LYPLAL1: variants seen among roughly 807,000 people sequenced by gnomAD.
The protein encoded by LYPLAL1 is lysophospholipase like 1.
A neutral mutation model predicts 19.7 loss-of-function variants in LYPLAL1; 23 were observed. The observed-to-expected ratio is 1.17, with a 90% CI of 0.84 to 1.65. The LOEUF is 1.65. LYPLAL1 is among the 40% of genes most tolerant of loss of function. The pLI, the probability that LYPLAL1 is intolerant of heterozygous loss-of-function variation, is 0.00. For synonymous variants in LYPLAL1, 119 were observed against 96.3 expected (o/e 1.24, Z -1.38); for missense variants, 355 against 279.4 (o/e 1.27, Z -1.93).
the LYPLAL1 span, among the ~76,000 whole-genome samples, chr1:219,233,026 C>A: frequency 6.1e-4 from 93 of 152,270 alleles, no homozygotes; most frequent in African/African-American, 2.2e-3. Flanking sequence ...TCCAGTGATT[C>A]TTCTTCTTGG....
At chr1:219,333,325 C>T in the LYPLAL1 span, among the ~76,000 whole-genome samples, 140 of 152,116 alleles carry the variant, frequency 9.2e-4, no homozygotes, top group Non-Finnish European at 1.2e-4. Flanking sequence ...GCAATATTCC[C>T]ACATTGCTCC....
At chr1:219,186,197 T>C (rs1020047352) in intron 2 of LYPLAL1, among the ~76,000 whole-genome samples, 33 of 151,862 alleles carry the variant, frequency 2.2e-4, no homozygotes, top group Admixed American at 2.2e-3. Context: ...TTCATTATTA[T>C]TAGAGAAAAT....
At chr1:219,366,001 T>C in the LYPLAL1 span, among the ~76,000 whole-genome samples, 1 of 152,216 alleles carries the variant, frequency 6.6e-6, no homozygotes, top group Non-Finnish European at 1.5e-5. Context: ...ATTTTGTGTA[T>C]TGGACCTTAT....
the LYPLAL1 span, among the ~76,000 whole-genome samples, chr1:219,430,820 A>C: frequency 6.6e-6 from 1 of 152,212 alleles, no homozygotes; most frequent in Admixed American, 6.5e-5. Context: ...GTCTATATCT[A>C]GGTGTAGTTT....
At chr1:219,274,437 G>A in the LYPLAL1 span, among the ~76,000 whole-genome samples, 2 of 152,180 alleles carry the variant, frequency 1.3e-5, no homozygotes, top group African/African-American at 2.4e-5. Flanking sequence ...CCACACTGGA[G>A]TGCAGTGGTA....
chr1:219,408,100 T>C, the LYPLAL1 span, among the ~76,000 whole-genome samples: 1 of 152,184 alleles, frequency 6.6e-6, no homozygotes, highest in Non-Finnish European at 1.5e-5. Flanking sequence ...TGTTTACATC[T>C]ACTATTCTGG....
chr1:219,348,319 G>A, the LYPLAL1 span, among the ~76,000 whole-genome samples: 2 of 152,216 alleles, frequency 1.3e-5, no homozygotes, highest in East Asian at 3.9e-4. Context: ...AGTGAGTGAA[G>A]TGAGAACACC....
At chr1:219,423,357 T>C in the LYPLAL1 span, among the ~76,000 whole-genome samples, 52,056 of 152,090 alleles carry the variant, frequency 0.34, 10,263 homozygotes, top group Non-Finnish European at 0.44. Flanking sequence ...CTCTGTGTTA[T>C]GGTTATGTGT....
At chr1:219,244,433 G>A in the LYPLAL1 span, among the ~76,000 whole-genome samples, 1 of 152,146 alleles carries the variant, frequency 6.6e-6, no homozygotes, top group East Asian at 1.9e-4. Context: ...CACAGTGGAG[G>A]AGGGATACTG....
chr1:219,285,122 A>T, the LYPLAL1 span, among the ~76,000 whole-genome samples: 2,423 of 152,336 alleles, frequency 0.016, 18 homozygotes, highest in Non-Finnish European at 0.023. Flanking sequence ...AAAATTATTT[A>T]AAAATATTTG....
chr1:219,286,630 C>T, the LYPLAL1 span, among the ~76,000 whole-genome samples: 1 of 152,198 alleles, frequency 6.6e-6, no homozygotes, highest in Non-Finnish European at 1.5e-5. Flanking sequence ...GAGAGTGGGA[C>T]AGTGTCACTG....
chr1:219,246,652 T>G, the LYPLAL1 span, among the ~76,000 whole-genome samples: 3 of 152,160 alleles, frequency 2.0e-5, no homozygotes, highest in Non-Finnish European at 4.4e-5. Context: ...AGTGGCACAA[T>G]TATGGCTCAC....
the LYPLAL1 span, among the ~76,000 whole-genome samples, chr1:219,380,535 G>A: frequency 4.9e-3 from 740 of 152,358 alleles, 15 homozygotes; most frequent in East Asian, 0.033. Context: ...TGGATTCGAA[G>A]CTGTCAGCCA....
chr1:219,413,745 C>G, the LYPLAL1 span, among the ~76,000 whole-genome samples: 6 of 152,330 alleles, frequency 3.9e-5, no homozygotes, highest in Non-Finnish European at 7.3e-5. Flanking sequence ...TCACAATTCT[C>G]ACATTCATTA....
chr1:219,228,501 A>G, the LYPLAL1 span, among the ~76,000 whole-genome samples: 116 of 151,798 alleles, frequency 7.6e-4, 1 homozygote, highest in African/African-American at 2.7e-3. Context: ...TCTCAAGTAA[A>G]TATGATTTTT....
chr1:219,309,613 A>T, the LYPLAL1 span, among the ~76,000 whole-genome samples: 1 of 152,110 alleles, frequency 6.6e-6, no homozygotes, highest in African/African-American at 2.4e-5. Flanking sequence ...AATAAATCTC[A>T]TGAGATCTGA....
In LYPLAL1 at chr1:219,173,879, G is replaced by A. The variant is rs376487406; in HGVS notation, c.-12G>A. 19 of 1,611,232 alleles carry A rather than the reference G, an allele frequency of 1.2e-5. No individual in the cohort carries two copies. Among genetic ancestry groups the A allele is most frequent in the Non-Finnish European group, 1.4e-5 (16 of 1,179,892 alleles). On this transcript the variant is annotated 5_prime_UTR_variant, in exon 1 of 5. The change creates a new upstream start codon in the 5' untranslated region. Coordinates refer to ENST00000366928, the MANE Select transcript of LYPLAL1 (RefSeq NM_138794.5). Reference sequence around the variant, plus strand: ...CAGGGGCGGAACCGCATGACTGGCAGTGGCATCAGCGATGGCGGCTGCGTC... The same window carrying A: ...CAGGGGCGGAACCGCATGACTGGCAATGGCATCAGCGATGGCGGCTGCGTC...
At chr1:219,296,861 C>A in the LYPLAL1 span, among the ~76,000 whole-genome samples, 1 of 152,162 alleles carries the variant, frequency 6.6e-6, no homozygotes, top group South Asian at 2.1e-4. Flanking sequence ...TTTTACCCCT[C>A]TAAGCAACTA....
chr1:219,297,041 C>G, the LYPLAL1 span, among the ~76,000 whole-genome samples: 1 of 152,140 alleles, frequency 6.6e-6, no homozygotes, highest in Non-Finnish European at 1.5e-5. Flanking sequence ...GGTGGAATTC[C>G]TTCATATAAA....
Sources: gnomAD v4.1 joint callset for allele counts (sites outside exome capture counted in the v4.1 genomes callset) on GRCh38, gnomAD v4.1.1 for gene constraint, MANE v1.5 for transcripts, NCBI Gene and HGNC (gene_info 2026-07-23, HGNC 2026-07-21) for gene names.